The following KCNQ5 variants were observed in gnomAD, a reference collection of about 807,000 sequenced individuals.
The protein encoded by KCNQ5 is potassium voltage-gated channel subfamily Q member 5, also known as potassium voltage-gated channel subfamily KQT member 5.
KCNQ5 carries 30 observed loss-of-function variants against 98.2 expected under a neutral mutation model. The ratio of observed to expected loss-of-function variants is 0.31; its 90% confidence interval spans 0.23 to 0.41. KCNQ5 has a LOEUF of 0.41. KCNQ5 is among the 10% of genes least tolerant of loss of function. The probability of loss-of-function intolerance (pLI) is 1.00; values close to 1 mark genes in which losing one functional copy is unlikely to be tolerated. For missense variants in KCNQ5, 835 were observed against 1,182.5 expected (o/e 0.71, Z 4.31); for synonymous variants, 458 against 449.4 (o/e 1.02, Z -0.24).
At chr6:72,780,071 T>A (rs1690627004) in intron 1 of KCNQ5, among the ~76,000 whole-genome samples, 1 of 152,220 alleles carries the variant, frequency 6.6e-6, no homozygotes, top group African/African-American at 2.4e-5. Context: ...TGTACTCAAC[T>A]ACCACTATTT....
intron 1 of KCNQ5, among the ~76,000 whole-genome samples, chr6:72,652,385 G>A (rs76838516): frequency 0.023 from 3,449 of 151,872 alleles, 50 homozygotes; most frequent in Middle Eastern, 0.11. Flanking sequence ...CCAATTTTGA[G>A]TCCCACTCTC....
chr6:72,705,754 G>C (rs967086936), intron 1 of KCNQ5, among the ~76,000 whole-genome samples: 1 of 151,980 alleles, frequency 6.6e-6, no homozygotes, highest in African/African-American at 2.4e-5. Flanking sequence ...TAACACAAAA[G>C]AGCTGTCAGA....
intron 10 of KCNQ5, among the ~76,000 whole-genome samples, chr6:73,146,626 C>CAAAAAAAAAAAAAAAA (rs58798764): frequency 3.2e-4 from 9 of 28,484 alleles, no homozygotes; most frequent in African/African-American, 8.4e-4. Flanking sequence ...GTCCCTGTCT[C>CAAAAAAAAAAAAAAAA]AAAAAAAAAA....
intron 2 of KCNQ5, among the ~76,000 whole-genome samples, chr6:73,031,817 A>G (rs1771162164): frequency 6.6e-6 from 1 of 152,270 alleles, no homozygotes; most frequent in Admixed American, 6.5e-5. Flanking sequence ...AGTTAGCTAT[A>G]TGAAACTCTG....
intron 1 of KCNQ5, among the ~76,000 whole-genome samples, chr6:72,805,749 C>T (rs144568572): frequency 6.6e-6 from 1 of 152,150 alleles, no homozygotes; most frequent in African/African-American, 2.4e-5. Context: ...AATCTGTAGA[C>T]TGCTTTAAGT....
intron 5 of KCNQ5, among the ~76,000 whole-genome samples, chr6:73,093,494 C>G (rs1774341872): frequency 6.6e-6 from 1 of 151,894 alleles, no homozygotes; most frequent in South Asian, 2.1e-4. Context: ...GAGGTGTGAC[C>G]TTAGATTGTC....
intron 1 of KCNQ5, among the ~76,000 whole-genome samples, chr6:72,701,608 C>T (rs1768812597): frequency 6.6e-6 from 1 of 151,888 alleles, no homozygotes; most frequent in African/African-American, 2.4e-5. Context: ...AGTTGGGGGT[C>T]TCATTCTGTT....
intron 1 of KCNQ5, among the ~76,000 whole-genome samples, chr6:72,764,884 G>C (rs1772485047): frequency 6.6e-6 from 1 of 151,890 alleles, no homozygotes; most frequent in Admixed American, 6.6e-5. Flanking sequence ...TTGTCTTTCT[G>C]TGCCTGGCTT....
At chr6:73,123,662 A>G (rs900726741) in intron 8 of KCNQ5, among the ~76,000 whole-genome samples, 2 of 152,206 alleles carry the variant, frequency 1.3e-5, no homozygotes, top group African/African-American at 4.8e-5. Flanking sequence ...TTTCTCCTCA[A>G]AGAGAGTGAA....
At chr6:73,020,116 TC>T (rs1411371781) in intron 2 of KCNQ5, among the ~76,000 whole-genome samples, 1 of 152,066 alleles carries the variant, frequency 6.6e-6, no homozygotes, top group African/African-American at 2.4e-5. Context: ...CAGCTGGGTG[TC>T]CTCTAATTCA....
At chr6:72,731,393 A>G (rs900403580) in intron 1 of KCNQ5, among the ~76,000 whole-genome samples, 2 of 152,258 alleles carry the variant, frequency 1.3e-5, no homozygotes, top group African/African-American at 4.8e-5. Context: ...TATAAAAGCT[A>G]TCCCAAATAA....
At chr6:73,156,597 C>G (rs1777370602) in intron 10 of KCNQ5, among the ~76,000 whole-genome samples, 2 of 151,890 alleles carry the variant, frequency 1.3e-5, no homozygotes, top group South Asian at 4.2e-4. Flanking sequence ...TGCACTCCAG[C>G]TGGGCAACAG....
chr6:73,000,055 C>A (rs192307942), intron 1 of KCNQ5, among the ~76,000 whole-genome samples: 64 of 152,184 alleles, frequency 4.2e-4, no homozygotes, highest in African/African-American at 1.5e-3. Context: ...AGCCTGAGCC[C>A]AGTGACTCTT....
intron 2 of KCNQ5, among the ~76,000 whole-genome samples, chr6:73,036,535 C>A (rs1303879654): frequency 6.6e-6 from 1 of 152,004 alleles, no homozygotes; most frequent in Non-Finnish European, 1.5e-5. Context: ...AGCCACTAAT[C>A]TGTTCTCCAT....
chr6:73,115,702 G>A (rs930795330), intron 7 of KCNQ5, among the ~76,000 whole-genome samples: 2 of 152,128 alleles, frequency 1.3e-5, no homozygotes, highest in Non-Finnish European at 2.9e-5. Flanking sequence ...GCAGCACCAA[G>A]GCACTTTTAG....
chr6:72,732,699 C>G (rs1031279538), intron 1 of KCNQ5, among the ~76,000 whole-genome samples: 1 of 152,100 alleles, frequency 6.6e-6, no homozygotes, highest in South Asian at 2.1e-4. Context: ...CTCAGACTTG[C>G]ATTTCAGAAA....
intron 1 of KCNQ5, among the ~76,000 whole-genome samples, chr6:72,768,787 TAAATTTATTTTCATTGTAAAA>T (rs1386850533): frequency 2.6e-5 from 4 of 152,062 alleles, no homozygotes; most frequent in Non-Finnish European, 2.9e-5. Flanking sequence ...ATTAATGTAT[TAAATTTATTTTCATTGTAAAA>T]AAATTTATTT....
intron 5 of KCNQ5, among the ~76,000 whole-genome samples, chr6:73,083,625 A>C (rs1773867146): frequency 6.6e-6 from 1 of 152,264 alleles, no homozygotes; most frequent in African/African-American, 2.4e-5. Context: ...GCTTTAGGCT[A>C]AAATAAAATA....
At chr6:72,824,785 C>CTCTG (rs533646037) in intron 1 of KCNQ5, among the ~76,000 whole-genome samples, 4 of 150,734 alleles carry the variant, frequency 2.7e-5, no homozygotes, top group Non-Finnish European at 3.0e-5. Flanking sequence ...TTCTCTGTCT[C>CTCTG]TGTGTGTGTG....
Sources: gnomAD v4.1 joint callset for allele counts (sites outside exome capture counted in the v4.1 genomes callset) on GRCh38, gnomAD v4.1.1 for gene constraint, MANE v1.5 for transcripts, NCBI Gene and HGNC (gene_info 2026-07-23, HGNC 2026-07-21) for gene names.